Variants in UBQLN4 observed in about 807,000 individuals in gnomAD.
UBQLN4 encodes ubiquilin 4.
In UBQLN4, 11 loss-of-function variants were observed where a neutral mutation model predicts 60.4. That is an observed-to-expected ratio of 0.18 (90% CI 0.11 to 0.30). UBQLN4 has a LOEUF of 0.30. UBQLN4 is among the 10% of genes least tolerant of loss of function. The pLI is 1.00. For missense variants in UBQLN4, 417 were observed against 795.5 expected (o/e 0.52, Z 5.72); for synonymous variants, 258 against 313.1 (o/e 0.82, Z 1.86).
rs1683768504 is a variant in UBQLN4, at chr1:156,048,272, T to A, written c.900+229A>T. Among the ~76,000 whole-genome samples the A allele has an allele frequency of 6.6e-6, 1 of 152,206 alleles. No homozygotes were observed. Among genetic ancestry groups the A allele is most frequent in the African/African-American group, 2.4e-5 (1 of 41,450 alleles). On this transcript the variant is annotated intron_variant, in intron 5 of 10. Transcript: ENST00000368309. This position sits in a 1 kb window ranked among gnomAD's most constrained non-coding sequence, Gnocchi z 4.9. ...ACAAGAAGTTTGTCAGGATGTCAAGTTCCTTGGATGCTATGCCTCAACCAC... is the reference window on the plus strand; with the variant it reads ...ACAAGAAGTTTGTCAGGATGTCAAGATCCTTGGATGCTATGCCTCAACCAC...
chr1:156,035,155 T>G, downstream of UBQLN4: 18 of 735,630 alleles, frequency 2.4e-5, no homozygotes, highest in Non-Finnish European at 3.0e-5. Context: ...TGCAATGGCA[T>G]GATCTCAGCC....
chr1:156,031,455 T>C (rs1370791363), downstream of UBQLN4, among the ~76,000 whole-genome samples: 1 of 152,212 alleles, frequency 6.6e-6, no homozygotes, highest in Non-Finnish European at 1.5e-5. Flanking sequence ...GAGCTCAGTT[T>C]GGCTCAAGAG....
At chr1:156,032,757 G>A (rs142534564), downstream of UBQLN4, among the ~76,000 whole-genome samples, 2 of 152,250 alleles carry the variant, frequency 1.3e-5, no homozygotes, top group Non-Finnish European at 2.9e-5. Context: ...CGACAGAGGC[G>A]AAGTCCCATA....
At chr1:156,041,772 A>G in intron 9 of UBQLN4, 100 bp downstream of exon 9, 4 of 1,446,254 alleles carry the variant, frequency 2.8e-6, no homozygotes, top group Non-Finnish European at 3.7e-6. Context: ...AGGAAAACAG[A>G]CCCTCAGAGA....
Position 156,050,333 on chromosome 1 carries a change from A to C in UBQLN4, c.699T>G (p.Pro233=). 6 of 1,605,144 alleles carry C rather than the reference A, an allele frequency of 3.7e-6. No homozygotes were observed. Among genetic ancestry groups the C allele is most frequent in the Non-Finnish European group, 5.1e-6 (6 of 1,173,648 alleles). The change falls in exon 4 of 11, where the codon CCT becomes CCG. Residue 233 remains proline (P), a synonymous_variant. Transcript: ENST00000368309. The surrounding 1 kb of genome is among the most constrained non-coding windows in gnomAD (Gnocchi z 4.6). ...GGTTATTGAGCATGTGGCTGATCTC[A>C]GGGTTCCGCTCCATCAACTGCTGCA... The part of the protein sequence containing the change: ...PQMQQLMERN[P]EISHMLNNPE...
chr1:156,043,860 G>A lies in UBQLN4; in HGVS notation c.1126+138C>T, dbSNP rs747886685. 1.3e-5 allele frequency: 12 copies of A among 948,680 alleles called. No homozygotes were observed. The East Asian group carries it at 3.1e-4, about 25-fold the overall frequency. The allele number at this position is 948,680 out of a possible 1,614,324, so 58.8% of individuals were successfully genotyped here. A position where few individuals can be genotyped will look rare whatever the true frequency, so the allele number is the denominator to read the frequency against. ...CAGCCCTCACCCGGCCACTATCCCA[G>A]ACGGCAGAGCCCCCTCTGTGGCCTC... On this transcript the variant is annotated intron_variant, in intron 6 of 10. Transcript: ENST00000368309.
chr1:156,052,039 A>C (rs955271913), intron 1 of UBQLN4, among the ~76,000 whole-genome samples, 182 bp from the exon 2 acceptor site: 7 of 152,104 alleles, frequency 4.6e-5, no homozygotes, highest in Admixed American at 1.3e-4. Context: ...AACAAAGGAG[A>C]TGAACCAGTG....
Position 156,048,792 on chromosome 1 carries a change from GGAGTA to G in UBQLN4, c.742-138_742-134del. On this transcript the variant is annotated intron_variant, in intron 4 of 10. Coordinates refer to ENST00000368309, the MANE Select transcript of UBQLN4 (RefSeq NM_020131.5). The surrounding 1 kb of genome is among the most constrained non-coding windows in gnomAD (Gnocchi z 4.9). ...CCCAGGAACTGCCCCACAGTGACAG[GGAGTA>G]GAGTAAACTGGACTTCCTTCCTCTA... 1.0e-6 allele frequency: 1 copy of G among 988,660 alleles called. No individual in the cohort carries two copies. Among genetic ancestry groups the G allele is most frequent in the East Asian group, 2.6e-5 (1 of 37,874 alleles). The allele number at this position is 988,660 out of a possible 1,614,324, so 61.2% of individuals were successfully genotyped here.
intron 1 of UBQLN4, among the ~76,000 whole-genome samples, chr1:156,053,132 G>C (rs1199410373): frequency 1.3e-5 from 2 of 152,170 alleles, no homozygotes; most frequent in African/African-American, 4.8e-5. Flanking sequence ...ACGTCGATTT[G>C]AAAGAGTGGG....
In UBQLN4 at chr1:156,035,400, G is replaced by T; in HGVS notation, c.*1578C>A. Reference sequence around the variant, plus strand: ...CAGACATCTTCTCTGGACTGCTTGGGACCCTTTCCCACTTGGAGCAAACTC... The same window carrying T: ...CAGACATCTTCTCTGGACTGCTTGGTACCCTTTCCCACTTGGAGCAAACTC... On this transcript the variant is annotated 3_prime_UTR_variant, in exon 11 of 11. Coordinates refer to ENST00000368309, the MANE Select transcript of UBQLN4 (RefSeq NM_020131.5). 2 of 984,912 alleles carry T rather than the reference G, an allele frequency of 2.0e-6. No individual in the cohort carries two copies. Among genetic ancestry groups the T allele is most frequent in the Non-Finnish European group, 2.4e-6 (2 of 829,680 alleles). The allele number at this position is 984,912 out of a possible 1,614,324, so 61.0% of individuals were successfully genotyped here.
Position 156,048,606 on chromosome 1 carries a change from C to T in UBQLN4, c.795G>A (p.Gln265=), listed in dbSNP as rs776241395. 6.2e-7 allele frequency: 1 copy of T among 1,614,122 alleles called. No individual in the cohort carries two copies. Among genetic ancestry groups the T allele is most frequent in the South Asian group, 1.1e-5 (1 of 91,088 alleles). Residue 265 remains glutamine, a synonymous_variant, in exon 5 of 11, where the codon CAG becomes CAA. Coordinates refer to ENST00000368309, the MANE Select transcript of UBQLN4 (RefSeq NM_020131.5). This position sits in a 1 kb window ranked among gnomAD's most constrained non-coding sequence, Gnocchi z 4.9. ...PAMMQEMMRN[Q]DRALSNLESI... is the part of the protein sequence containing the mutation. ...TCTCAAGGTTGCTCAGGGCCCGGTC[C>T]TGGTTCCGCATCATCTCTTGCATCA... is the stretch of plus-strand genomic sequence containing the variant.
chr1:156,049,224 G>T (rs530169583), intron 4 of UBQLN4, among the ~76,000 whole-genome samples: 3 of 152,220 alleles, frequency 2.0e-5, no homozygotes, highest in Non-Finnish European at 4.4e-5. Flanking sequence ...TCAAAGCCAG[G>T]TTGGTTGGTC....
chr1:156,035,910 TG>T lies in UBQLN4; in HGVS notation c.*1067del. ...CCCAACTTAAGAGTGTATGCACACA[TG>T]TGGATACACATGCACCTCCCCACTA... On this transcript the variant is annotated 3_prime_UTR_variant, in exon 11 of 11. Coordinates refer to ENST00000368309, the MANE Select transcript of UBQLN4 (RefSeq NM_020131.5). 5.1e-6 allele frequency: 5 copies of T among 985,426 alleles called. No individual in the cohort carries two copies. The highest frequency in any genetic ancestry group is 6.0e-6 in the Non-Finnish European group (5 of 829,894). The allele number at this position is 985,426 out of a possible 1,614,324, so 61.0% of individuals were successfully genotyped here.
intron 2 of UBQLN4, 79 bp downstream of exon 2, chr1:156,051,627 T>A: frequency 1.3e-6 from 2 of 1,592,490 alleles, no homozygotes; most frequent in Admixed American, 3.4e-5. Context: ...GCCCTCTGGG[T>A]ACAGTTAAGC....
rs1184528444 is a variant in UBQLN4, at chr1:156,044,128, G to A, written c.996C>T (p.Pro332=). The change falls in exon 6 of 11, where the codon CCC becomes CCT. Residue 332 remains proline, a synonymous_variant. Coordinates refer to ENST00000368309, the MANE Select transcript of UBQLN4 (RefSeq NM_020131.5). ...RTENREPLPN[P]WSPSPPTSQA... ...GGGAGGTGGGGGGCGAGGGGCTCCA[G>A]GGGTTAGGGAGGGGCTCTCGATTCT... 6.3e-7 allele frequency: 1 copy of A among 1,586,844 alleles called. No individual in the cohort carries two copies. The highest frequency in any genetic ancestry group is 8.6e-7 in the Non-Finnish European group (1 of 1,166,910).
At position 156,053,576 on chromosome 1, in the gene UBQLN4, C is replaced by A; in HGVS notation, c.108+18G>T. On this transcript the variant is annotated intron_variant, in intron 1 of 10. Transcript: ENST00000368309. ...ACCCCTCCTCCGCGCTCCCCCCGCC[C>A]CCCGCCTGCTGTACTACCTCCTTGA... The A allele has an allele frequency of 7.9e-7, 1 of 1,271,984 alleles. No homozygotes were observed. Among genetic ancestry groups the A allele is most frequent in the Non-Finnish European group, 1.0e-6 (1 of 983,960 alleles). 78.8% of individuals were successfully genotyped at this position (1,271,984 alleles called of 1,614,324 possible).
intron 1 of UBQLN4, 77 bp downstream of exon 1, chr1:156,053,517 C>T (rs903519583): frequency 6.4e-6 from 7 of 1,099,936 alleles, no homozygotes; most frequent in African/African-American, 1.7e-5. Context: ...TCCGGGACGC[C>T]GGACCGTCAG....
rs1683409440 is a variant in UBQLN4 at position 156,036,570 on chromosome 1, C to T, written c.*408G>A. 8 of 989,626 alleles carry T rather than the reference C, an allele frequency of 8.1e-6. 1 individual carries two copies. The South Asian group carries it at 2.8e-4, about 35-fold the overall frequency. The allele number at this position is 989,626 out of a possible 1,614,324, so 61.3% of individuals were successfully genotyped here. A position where few individuals can be genotyped will look rare whatever the true frequency, so the allele number is the denominator to read the frequency against. ...GGGAGAAAAAGAAGGAAGAGAGTTA[C>T]CAAAAGTAAACATAAGACAAAACCC... On this transcript the variant is annotated 3_prime_UTR_variant, in exon 11 of 11. Transcript: ENST00000368309.
At chr1:156,034,871 A>ATATATAT (rs60215858), downstream of UBQLN4, among the ~76,000 whole-genome samples, 824 of 69,488 alleles carry the variant, frequency 0.012, no homozygotes, top group Non-Finnish European at 0.016. Context: ...ATATATATAT[A>ATATATAT]ATTTTTTTTT....
Sources: allele counts gnomAD v4.1 joint callset (sites outside exome capture counted in the v4.1 genomes callset), GRCh38; gene constraint gnomAD v4.1.1; non-coding constraint Gnocchi (gnomAD v3.1); transcripts MANE v1.5; gene names NCBI Gene and HGNC (gene_info 2026-07-23, HGNC 2026-07-21).